The following PRKN variants were observed in gnomAD, a reference collection of about 807,000 sequenced individuals.
The protein encoded by PRKN is parkin RBR E3 ubiquitin protein ligase, also known as E3 ubiquitin-protein ligase parkin.
A neutral mutation model predicts 59.5 loss-of-function variants in PRKN; 56 were observed. The observed-to-expected ratio is 0.94, with a 90% CI of 0.76 to 1.18. The LOEUF is 1.18. PRKN is among the 50% of genes most tolerant of loss of function. The pLI, the probability that PRKN is intolerant of heterozygous loss-of-function variation, is 0.00. For synonymous variants in PRKN, 250 were observed against 222.1 expected (o/e 1.13, Z -1.12); for missense variants, 657 against 596.4 (o/e 1.10, Z -1.06).
Position 161,468,458 on chromosome 6 carries a change from AG to A in PRKN, c.1083+80395del, listed in dbSNP as rs1196183048. 6.6e-6 allele frequency among the ~76,000 whole-genome samples: 1 copy of A among 152,210 alleles called. No individual in the cohort carries two copies. Among genetic ancestry groups the A allele is most frequent in the Non-Finnish European group, 1.5e-5 (1 of 68,032 alleles). On this transcript the variant is annotated intron_variant, in intron 9 of 11. Transcript: ENST00000366898. This position sits in a 1 kb window ranked among gnomAD's most constrained non-coding sequence, Gnocchi z 5.9. ...CCTACAGAGTATCCTTTAAATGGCA[AG>A]GGGGTACTTCAGCCTGACTCCATTT...
chr6:162,489,735 C>T (rs1374982675), intron 1 of PRKN, among the ~76,000 whole-genome samples: 1 of 152,168 alleles, frequency 6.6e-6, no homozygotes, highest in Non-Finnish European at 1.5e-5. Context: ...CTACTTTGTA[C>T]CCTTGTGGTG....
At chr6:162,718,630 G>A (rs558606573) in intron 1 of PRKN, among the ~76,000 whole-genome samples, 42 of 151,966 alleles carry the variant, frequency 2.8e-4, no homozygotes, top group African/African-American at 9.4e-4. Flanking sequence ...GGAGAATGGC[G>A]TGAACCTGGG....
chr6:162,092,369 A>C (rs1779533696), intron 4 of PRKN, among the ~76,000 whole-genome samples: 1 of 149,964 alleles, frequency 6.7e-6, no homozygotes, highest in Non-Finnish European at 1.5e-5. Context: ...AAAAATAAAA[A>C]AATGAAAAAA....
At chr6:161,791,467 G>T (rs1020549625) in intron 6 of PRKN, among the ~76,000 whole-genome samples, 8 of 152,142 alleles carry the variant, frequency 5.3e-5, no homozygotes, top group African/African-American at 1.9e-4. Flanking sequence ...CACCTTGTTT[G>T]TTCTCTCTCA....
At chr6:162,312,332 T>C (rs1163669399) in intron 2 of PRKN, among the ~76,000 whole-genome samples, 1 of 152,118 alleles carries the variant, frequency 6.6e-6, no homozygotes, top group Non-Finnish European at 1.5e-5. Context: ...TCTCTTGTCC[T>C]TGCTGCCCTC....
At chr6:161,617,915 A>G (rs1478429889) in intron 7 of PRKN, among the ~76,000 whole-genome samples, 1 of 152,222 alleles carries the variant, frequency 6.6e-6, no homozygotes, top group Non-Finnish European at 1.5e-5. Flanking sequence ...GTACTCATCA[A>G]TGAATTACAA....
At chr6:162,152,909 T>C (rs1054808155) in intron 4 of PRKN, among the ~76,000 whole-genome samples, 1 of 152,222 alleles carries the variant, frequency 6.6e-6, no homozygotes, top group Non-Finnish European at 1.5e-5. Context: ...TAAAATGCAC[T>C]GCTTTAATTT....
At chr6:162,203,434 C>T (rs1784814528) in intron 3 of PRKN, among the ~76,000 whole-genome samples, 2 of 152,234 alleles carry the variant, frequency 1.3e-5, no homozygotes, top group African/African-American at 2.4e-5. Flanking sequence ...GCTGTTGGCT[C>T]CACTTGGTCA....
rs1294563811 is a variant in PRKN, at chr6:161,968,116, GT to G, written c.734+5185del. On this transcript the variant is annotated intron_variant, in intron 6 of 11. Coordinates refer to ENST00000366898, the MANE Select transcript of PRKN (RefSeq NM_004562.3). ...CCTCAGTGCAACTTCCGCCTCCCGG[GT>G]TCAAGCGATTATCCTGCCTCAGCCT... Among the ~76,000 whole-genome samples the G allele has an allele frequency of 3.3e-5, 5 of 151,876 alleles. 1 individual carries two copies. The South Asian group carries it at 1.0e-3, about 32-fold the overall frequency.
rs574723633 is a variant in PRKN, at chr6:162,362,340, T to G, written c.171+80970A>C. Among the ~76,000 whole-genome samples, 6 of 152,292 alleles carry G rather than the reference T, an allele frequency of 3.9e-5. 1 individual carries two copies. In the South Asian group the frequency reaches 1.2e-3, roughly 32 times the overall value. ...TCCTGTCAATTTTAGAATTTAGCTA[T>G]TTGGAACATATAAACCACATTTCTA... On this transcript the variant is annotated intron_variant, in intron 2 of 11. Transcript: ENST00000366898.
intron 6 of PRKN, among the ~76,000 whole-genome samples, chr6:161,946,869 G>A (rs769873078): frequency 1.1e-4 from 16 of 152,214 alleles, no homozygotes; most frequent in Non-Finnish European, 2.4e-4. Context: ...GATAAATCAA[G>A]TATGTCCATA....
intron 1 of PRKN, among the ~76,000 whole-genome samples, chr6:162,636,945 C>T (rs1777735895): frequency 6.8e-6 from 1 of 147,552 alleles, no homozygotes; most frequent in Admixed American, 6.8e-5. Flanking sequence ...GGCAACGGAG[C>T]GAGATTCTGT....
chr6:161,758,092 C>T (rs578128383), intron 7 of PRKN, among the ~76,000 whole-genome samples: 1 of 151,334 alleles, frequency 6.6e-6, no homozygotes, highest in South Asian at 2.1e-4. Flanking sequence ...TGAGTAGGAA[C>T]TGGAGCAACT....
intron 7 of PRKN, among the ~76,000 whole-genome samples, chr6:161,583,965 A>G (rs1781436509): frequency 6.6e-6 from 1 of 152,216 alleles, no homozygotes; most frequent in African/African-American, 2.4e-5. Flanking sequence ...GTATCGTTCC[A>G]TTTAACATTT....
chr6:161,678,568 A>AATTTTTTTTTTTTTTTTTTTTT (rs562536578), intron 7 of PRKN, among the ~76,000 whole-genome samples: 1 of 121,448 alleles, frequency 8.2e-6, no homozygotes. Context: ...TTGGTGCCTG[A>AATTTTTTTTTTTTTTTTTTTTT]TTTTTTTTTT....
At chr6:161,828,443 C>T (rs893824098) in intron 6 of PRKN, among the ~76,000 whole-genome samples, 8 of 152,182 alleles carry the variant, frequency 5.3e-5, no homozygotes, top group Admixed American at 6.5e-5. Context: ...CACAACAGCA[C>T]GGCAGACCCT....
intron 7 of PRKN, among the ~76,000 whole-genome samples, chr6:161,605,508 C>T (rs1023004846): frequency 2.8e-5 from 4 of 141,658 alleles, no homozygotes; most frequent in Non-Finnish European, 4.4e-5. Context: ...AGGGGCTGCC[C>T]TCTCTCTTTT....
At chr6:161,564,564 A>G (rs1780569143) in intron 8 of PRKN, among the ~76,000 whole-genome samples, 1 of 152,046 alleles carries the variant, frequency 6.6e-6, no homozygotes, top group Non-Finnish European at 1.5e-5. Flanking sequence ...AGCACCCTCA[A>G]ATGTTTTTGT....
intron 9 of PRKN, among the ~76,000 whole-genome samples, chr6:161,392,163 C>T (rs10455883): frequency 0.07 from 10,655 of 151,766 alleles, 434 homozygotes; most frequent in Admixed American, 0.1. Context: ...GGTCTCGAAC[C>T]CTGACCTCGT....
Sources: gnomAD v4.1 joint callset for allele counts (sites outside exome capture counted in the v4.1 genomes callset) on GRCh38, gnomAD v4.1.1 for gene constraint, Gnocchi (gnomAD v3.1) non-coding constraint, MANE v1.5 for transcripts, NCBI Gene and HGNC (gene_info 2026-07-23, HGNC 2026-07-21) for gene names.